The following COL25A1 variants were observed in gnomAD, a reference collection of about 807,000 sequenced individuals.
COL25A1 encodes the protein collagen type XXV alpha 1 chain, also known as collagen alpha-1(XXV) chain.
COL25A1 carries 103 observed loss-of-function variants against 128.4 expected under a neutral mutation model. The ratio of observed to expected loss-of-function variants is 0.80; its 90% CI spans 0.68 to 0.94. The LOEUF (loss-of-function observed/expected upper bound fraction) is 0.94. COL25A1 is among the 40% of genes least tolerant of loss of function. The probability of loss-of-function intolerance (pLI) is 0.00; values close to 1 mark genes in which losing one functional copy is unlikely to be tolerated. For synonymous variants in COL25A1, 279 were observed against 277.2 expected (o/e 1.01, Z -0.06); for missense variants, 745 against 840.0 (o/e 0.89, Z 1.40).
chr4:109,222,127 C>G (rs116338284), intron 3 of COL25A1, among the ~76,000 whole-genome samples: 12,052 of 140,914 alleles, frequency 0.086, 1,064 homozygotes, highest in African/African-American at 0.24. Flanking sequence ...GCAATGGCGC[C>G]ATCCCAGCTC....
chr4:109,154,328 C>T (rs1490009655), intron 3 of COL25A1, among the ~76,000 whole-genome samples: 2 of 152,174 alleles, frequency 1.3e-5, no homozygotes, highest in African/African-American at 2.4e-5. Flanking sequence ...ACAAAAACAA[C>T]CATCTGTCTT....
intron 3 of COL25A1, among the ~76,000 whole-genome samples, chr4:109,200,972 C>G (rs1776514750): frequency 6.6e-6 from 1 of 152,084 alleles, no homozygotes; most frequent in Admixed American, 6.6e-5. Flanking sequence ...ATATATATAT[C>G]TCCTACCCAT....
At chr4:109,014,896 T>C (rs1757072286) in intron 5 of COL25A1, among the ~76,000 whole-genome samples, 1 of 152,194 alleles carries the variant, frequency 6.6e-6, no homozygotes, top group Non-Finnish European at 1.5e-5. Flanking sequence ...TTACCACTCT[T>C]CTATGAGATT....
At chr4:108,942,444 T>TA (rs1748227797) in intron 8 of COL25A1, among the ~76,000 whole-genome samples, 1 of 127,826 alleles carries the variant, frequency 7.8e-6, no homozygotes, top group South Asian at 2.3e-4. Context: ...AAAATAAACC[T>TA]TTTTTTTTTT....
chr4:109,136,183 AG>A (rs1467119374), intron 3 of COL25A1, among the ~76,000 whole-genome samples: 1 of 152,146 alleles, frequency 6.6e-6, no homozygotes, highest in Admixed American at 6.5e-5. Context: ...GGATCACCTG[AG>A]GTCAGGAGTT....
intron 3 of COL25A1, among the ~76,000 whole-genome samples, chr4:109,280,223 G>A (rs1486994363): frequency 1.3e-5 from 2 of 152,134 alleles, no homozygotes; most frequent in African/African-American, 4.8e-5. Flanking sequence ...AAGAAGTTTA[G>A]AGACAAAAAA....
chr4:108,939,143 T>C (rs1192077718), intron 10 of COL25A1, among the ~76,000 whole-genome samples: 1 of 152,242 alleles, frequency 6.6e-6, no homozygotes, highest in Non-Finnish European at 1.5e-5. Context: ...ATCTGACTAA[T>C]GTACCATCAA....
chr4:109,072,843 A>C (rs1248399478), intron 3 of COL25A1, among the ~76,000 whole-genome samples: 1 of 152,190 alleles, frequency 6.6e-6, no homozygotes, highest in Non-Finnish European at 1.5e-5. Flanking sequence ...AATCAGTTGC[A>C]TAACTCTACA....
chr4:108,903,805 T>C (rs1440327759), intron 13 of COL25A1, among the ~76,000 whole-genome samples: 1 of 152,096 alleles, frequency 6.6e-6, no homozygotes, highest in Admixed American at 6.6e-5. Context: ...CACAACAGCA[T>C]TGAATATCAC....
chr4:109,094,432 T>C, intron 3 of COL25A1, among the ~76,000 whole-genome samples: 1 of 152,212 alleles, frequency 6.6e-6, no homozygotes, highest in South Asian at 2.1e-4. Context: ...TCTTGAACAT[T>C]CAAGTTCACT....
chr4:108,899,109 T>C (rs1158376088), intron 15 of COL25A1, 45 bp downstream of exon 15: 2 of 1,588,256 alleles, frequency 1.3e-6, no homozygotes, highest in Admixed American at 1.7e-5. Flanking sequence ...GGTATGCTGG[T>C]GGTGGGGAGT....
At chr4:109,117,295 G>C (rs554242644) in intron 3 of COL25A1, among the ~76,000 whole-genome samples, 1 of 152,038 alleles carries the variant, frequency 6.6e-6, no homozygotes. Flanking sequence ...AATCTAAATA[G>C]AATAAGAATT....
chr4:109,105,978 A>G (rs1276252636), intron 3 of COL25A1, among the ~76,000 whole-genome samples: 1 of 152,196 alleles, frequency 6.6e-6, no homozygotes, highest in Middle Eastern at 3.2e-3. Flanking sequence ...TCACTCAAGA[A>G]TATCTTATTA....
intron 18 of COL25A1, among the ~76,000 whole-genome samples, chr4:108,885,441 T>C (rs934245661): frequency 3.9e-5 from 6 of 152,200 alleles, no homozygotes; most frequent in African/African-American, 1.4e-4. Flanking sequence ...CGATTCTGTC[T>C]GAAACTATAT....
At position 109,174,464 on chromosome 4, in the gene COL25A1, T is replaced by C. The variant is rs138307849; in HGVS notation, c.368-124285A>G. The stretch of plus-strand genomic sequence containing the variant: ...CCACAGAATGTTTCAAGCAAGCCAA[T>C]CACATCCTCCCACAGGAACCAGGGA... On this transcript the variant is annotated intron_variant, in intron 3 of 37. Coordinates refer to ENST00000399132, the MANE Select transcript of COL25A1 (RefSeq NM_198721.4). 2.9e-3 allele frequency among the ~76,000 whole-genome samples: 444 copies of C among 152,246 alleles called. 3 individuals are homozygous for C. The highest frequency in any genetic ancestry group is 5.5e-3 in the Non-Finnish European group (371 of 68,034).
At chr4:109,067,001 T>C (rs761142651) in intron 3 of COL25A1, among the ~76,000 whole-genome samples, 3 of 152,216 alleles carry the variant, frequency 2.0e-5, no homozygotes, top group Non-Finnish European at 4.4e-5. Flanking sequence ...GTCACTTTGA[T>C]AATATAATAT....
intron 15 of COL25A1, among the ~76,000 whole-genome samples, 157 bp downstream of exon 15, chr4:108,898,991 CTATATA>C (rs1742495489): frequency 6.9e-6 from 1 of 144,280 alleles, no homozygotes; most frequent in Non-Finnish European, 1.5e-5. Context: ...ATCTATATAT[CTATATA>C]TCTATATATC....
intron 5 of COL25A1, among the ~76,000 whole-genome samples, chr4:109,021,039 C>G (rs1338986357): frequency 6.6e-6 from 1 of 152,212 alleles, no homozygotes; most frequent in Admixed American, 6.5e-5. Context: ...CGATGTTGGG[C>G]AGCAGCCGCA....
intron 3 of COL25A1, among the ~76,000 whole-genome samples, chr4:109,070,039 A>G (rs1200000808): frequency 6.6e-6 from 1 of 151,172 alleles, no homozygotes; most frequent in African/African-American, 2.4e-5. Flanking sequence ...GGCAGATCAC[A>G]AGGTCAGGAG....
Sources: gnomAD v4.1 joint callset for allele counts (sites outside exome capture counted in the v4.1 genomes callset) on GRCh38, gnomAD v4.1.1 for gene constraint, MANE v1.5 for transcripts, NCBI Gene and HGNC (gene_info 2026-07-23, HGNC 2026-07-21) for gene names.